VPS13B: variants seen among roughly 807,000 people sequenced by gnomAD.
VPS13B encodes intermembrane lipid transfer protein VPS13B.
In VPS13B, 285 loss-of-function variants were observed where a neutral mutation model predicts 426.4. The observed-to-expected ratio is 0.67, with a 90% CI of 0.61 to 0.74. The LOEUF (loss-of-function observed/expected upper bound fraction) is 0.74, where lower values mean the gene tolerates loss of function less well. Among genes scored for constraint, VPS13B ranks in the 30% least tolerant of loss-of-function variants. The probability of loss-of-function intolerance (pLI) is 0.00; values close to 1 mark genes in which losing one functional copy is unlikely to be tolerated. For missense variants in VPS13B, 4,537 were observed against 4,782.6 expected (o/e 0.95, Z 1.51); for synonymous variants, 1,676 against 1,676.4 (o/e 1.00, Z 0.01).
intron 44 of VPS13B, among the ~76,000 whole-genome samples, chr8:99,815,292 G>A (rs74664758): frequency 0.031 from 4,690 of 152,106 alleles, 94 homozygotes; most frequent in Non-Finnish European, 0.041. Context: ...CCAGGAGAGC[G>A]AATAGTGTAA....
chr8:99,673,966 ATACT>A (rs1258676909), intron 35 of VPS13B, among the ~76,000 whole-genome samples: 1 of 152,080 alleles, frequency 6.6e-6, no homozygotes, highest in Non-Finnish European at 1.5e-5. Context: ...TTCAGAAAAG[ATACT>A]TACTATGATT....
intron 16 of VPS13B, among the ~76,000 whole-genome samples, chr8:99,183,477 G>A (rs1330839143): frequency 6.6e-6 from 1 of 151,996 alleles, no homozygotes; most frequent in Non-Finnish European, 1.5e-5. Context: ...GCAGATGTTT[G>A]GATAAACAAT....
chr8:99,259,318 A>G (rs902005589), intron 17 of VPS13B, among the ~76,000 whole-genome samples: 2 of 152,146 alleles, frequency 1.3e-5, no homozygotes, highest in African/African-American at 4.8e-5. Context: ...CTTAAGAAAC[A>G]TATAGCAAGA....
At chr8:99,618,747 C>G (rs957632514) in intron 33 of VPS13B, among the ~76,000 whole-genome samples, 1 of 152,174 alleles carries the variant, frequency 6.6e-6, no homozygotes, top group African/African-American at 2.4e-5. Flanking sequence ...AATCCTTTGA[C>G]CTCGTTCTCT....
At chr8:99,453,954 T>C (rs973515112) in intron 23 of VPS13B, among the ~76,000 whole-genome samples, 4 of 152,114 alleles carry the variant, frequency 2.6e-5, no homozygotes, top group African/African-American at 7.2e-5. Flanking sequence ...TATAATGACA[T>C]GTATCTGTCA....
intron 44 of VPS13B, among the ~76,000 whole-genome samples, chr8:99,816,731 G>A (rs1232041563): frequency 6.6e-6 from 1 of 151,974 alleles, no homozygotes; most frequent in Non-Finnish European, 1.5e-5. Context: ...CTTGAGCCTG[G>A]TAGATTGAGA....
At chr8:99,463,132 G>A (rs1026383626) in intron 23 of VPS13B, among the ~76,000 whole-genome samples, 4 of 152,120 alleles carry the variant, frequency 2.6e-5, no homozygotes, top group African/African-American at 9.7e-5. Context: ...CACATTTTTA[G>A]CAAAACTATA....
intron 19 of VPS13B, among the ~76,000 whole-genome samples, chr8:99,308,401 T>A (rs892797826): frequency 6.6e-6 from 1 of 152,136 alleles, no homozygotes; most frequent in African/African-American, 2.4e-5. Context: ...CATTGTTCAA[T>A]TCCCACCTAT....
intron 31 of VPS13B, among the ~76,000 whole-genome samples, chr8:99,569,067 C>T (rs949086215): frequency 1.3e-5 from 2 of 151,922 alleles, no homozygotes; most frequent in African/African-American, 4.8e-5. Flanking sequence ...CGTGATCCGC[C>T]TGCCTCGGCC....
At chr8:99,016,270 C>T (rs1841608375) in intron 2 of VPS13B, among the ~76,000 whole-genome samples, 1 of 152,126 alleles carries the variant, frequency 6.6e-6, no homozygotes, top group Non-Finnish European at 1.5e-5. Context: ...CTGTGTTTAG[C>T]CTGTGTTTTC....
chr8:99,134,160 TC>T (rs1809948286), intron 8 of VPS13B, among the ~76,000 whole-genome samples: 1 of 152,216 alleles, frequency 6.6e-6, no homozygotes, highest in Admixed American at 6.5e-5. Context: ...TGATTCTATT[TC>T]CTTCATAGGA....
At chr8:99,295,668 G>A (rs1366864299) in intron 19 of VPS13B, among the ~76,000 whole-genome samples, 3 of 152,036 alleles carry the variant, frequency 2.0e-5, no homozygotes, top group Non-Finnish European at 2.9e-5. Context: ...ACTTTCTGCC[G>A]CTGCCCAGCA....
chr8:99,174,346 G>A (rs1210856333), intron 16 of VPS13B, among the ~76,000 whole-genome samples: 1 of 152,096 alleles, frequency 6.6e-6, no homozygotes, highest in Non-Finnish European at 1.5e-5. Flanking sequence ...ACCTAGAAGT[G>A]GAATTGCTGT....
intron 25 of VPS13B, among the ~76,000 whole-genome samples, chr8:99,492,912 CTCAA>C (rs1457956205): frequency 6.6e-6 from 1 of 152,178 alleles, no homozygotes; most frequent in East Asian, 1.9e-4. Context: ...AATCAGGTAC[CTCAA>C]TTGGAAATGC....
chr8:99,159,708 G>A (rs1004830411), intron 15 of VPS13B, among the ~76,000 whole-genome samples: 16 of 152,152 alleles, frequency 1.1e-4, no homozygotes, highest in African/African-American at 3.4e-4. Flanking sequence ...CACCCAGGCC[G>A]TAGTGCAGTG....
At chr8:99,092,225 G>T (rs1003246503) in intron 3 of VPS13B, 5 of 152,158 alleles carry the variant, frequency 3.3e-5, no homozygotes, top group African/African-American at 4.8e-5. Context: ...GTAAGGAAAT[G>T]ACATTCTTGC....
intron 35 of VPS13B, among the ~76,000 whole-genome samples, chr8:99,679,006 T>C (rs925398129): frequency 3.3e-5 from 5 of 152,228 alleles, no homozygotes; most frequent in African/African-American, 4.8e-5. Context: ...AACTGGCTTC[T>C]CTATGTTTTA....
At chr8:99,589,174 T>G (rs1826467297) in intron 33 of VPS13B, among the ~76,000 whole-genome samples, 1 of 151,808 alleles carries the variant, frequency 6.6e-6, no homozygotes, top group African/African-American at 2.4e-5. Flanking sequence ...GATAAACTTT[T>G]TGATGTGCTG....
At chr8:99,070,536 A>T (rs938873026) in intron 3 of VPS13B, among the ~76,000 whole-genome samples, 2 of 152,204 alleles carry the variant, frequency 1.3e-5, no homozygotes, top group African/African-American at 4.8e-5. Flanking sequence ...TTGCAAAATA[A>T]TTCAAATGGT....
Sources: allele counts gnomAD v4.1 joint callset (sites outside exome capture counted in the v4.1 genomes callset), GRCh38; gene constraint gnomAD v4.1.1; transcripts MANE v1.5; gene names NCBI Gene and HGNC (gene_info 2026-07-23, HGNC 2026-07-21).